The following ERLIN2 variants were observed in gnomAD, a reference collection of about 807,000 sequenced individuals.
ERLIN2 encodes ER lipid raft associated 2.
Under a neutral mutation model 41.5 loss-of-function variants are expected in ERLIN2, and 22 were observed. That is an observed-to-expected ratio of 0.53 (90% CI 0.38 to 0.76). The LOEUF (loss-of-function observed/expected upper bound fraction) is 0.76. ERLIN2 is among the 30% of genes least tolerant of loss of function. The pLI, the probability that ERLIN2 is intolerant of heterozygous loss-of-function variation, is 0.00. For synonymous variants in ERLIN2, 149 were observed against 150.9 expected (o/e 0.99, Z 0.09); for missense variants, 247 against 414.3 (o/e 0.60, Z 3.51).
At chr8:37,751,239 C>A (rs1001055946) in intron 9 of ERLIN2, among the ~76,000 whole-genome samples, 2 of 152,214 alleles carry the variant, frequency 1.3e-5, no homozygotes, top group Admixed American at 6.5e-5. Flanking sequence ...GGGGTTCAAA[C>A]CAAGGACACT....
At chr8:37,745,529 A>C (rs748295658) in intron 6 of ERLIN2, 2 of 1,606,134 alleles carry the variant, frequency 1.2e-6, no homozygotes, top group Non-Finnish European at 8.5e-7. Flanking sequence ...CCAAAAGTAA[A>C]TGAATTTTTA....
At chr8:37,743,670 AATT>A (rs1192316816) in intron 4 of ERLIN2, among the ~76,000 whole-genome samples, 8 of 152,166 alleles carry the variant, frequency 5.3e-5, no homozygotes, top group African/African-American at 1.9e-4. Flanking sequence ...GATATTACAG[AATT>A]ATTGCTAATT....
At chr8:37,737,444 C>A in intron 1 of ERLIN2, 1 of 205,646 alleles carries the variant, frequency 4.9e-6, no homozygotes, top group South Asian at 7.1e-5. Flanking sequence ...TAATGGTTTC[C>A]TTTGAAACTG....
rs1349334261 is a variant in ERLIN2 at position 37,741,088 on chromosome 8, TGTA to T, written c.189+646_189+648del. On this transcript the variant is annotated intron_variant, in intron 3 of 11. Transcript: ENST00000519638. The surrounding 1 kb of genome is among the most constrained non-coding windows in gnomAD (Gnocchi z 4.8). ...CAGGTACATTGTCTCATTTGAGTCT[TGTA>T]GTAATCCTGAGAATGGGCTGAGCAT... Among the ~76,000 whole-genome samples the T allele has an allele frequency of 6.6e-6, 1 of 152,228 alleles. No individual in the cohort carries two copies. The highest frequency in any genetic ancestry group is 1.5e-5 in the Non-Finnish European group (1 of 68,044).
intron 4 of ERLIN2, among the ~76,000 whole-genome samples, 196 bp from the exon 5 acceptor site, chr8:37,744,159 G>A (rs940412487): frequency 5.9e-5 from 9 of 152,198 alleles, no homozygotes; most frequent in Non-Finnish European, 1.0e-4. Flanking sequence ...CCTAGGCAGT[G>A]TGATTTCTCA....
At chr8:37,737,671 G>A in intron 1 of ERLIN2, 7 of 514,644 alleles carry the variant, frequency 1.4e-5, no homozygotes, top group Non-Finnish European at 2.1e-5. Context: ...AGCAACGGCT[G>A]TATCCGGAGC....
intron 10 of ERLIN2, 113 bp from the exon 11 acceptor site, chr8:37,753,337 A>G (rs1369236935): frequency 1.2e-6 from 1 of 819,028 alleles, no homozygotes; most frequent in Non-Finnish European, 2.1e-6. Flanking sequence ...CACAGAGGCA[A>G]TCAGGGGCGA....
At chr8:37,750,579 G>C (rs1803195619) in intron 9 of ERLIN2, 93 bp downstream of exon 9, 1 of 1,055,222 alleles carries the variant, frequency 9.5e-7, no homozygotes. Context: ...GAGACCCCAT[G>C]GTCCTCCAAA....
At chr8:37,744,267 A>G in intron 4 of ERLIN2, 88 bp from the exon 5 acceptor site, 1 of 1,147,030 alleles carries the variant, frequency 8.7e-7, no homozygotes, top group East Asian at 2.3e-5. Flanking sequence ...CTTTTCTGCC[A>G]AGCCCCACAT....
chr8:37,748,034 C>G (rs768502798), intron 6 of ERLIN2: 2 of 1,588,804 alleles, frequency 1.3e-6, no homozygotes, highest in African/African-American at 1.3e-5. Context: ...AAAAACTCTA[C>G]GCAAAGAAGA....
intron 6 of ERLIN2, chr8:37,747,926 G>A (rs770058424): frequency 6.2e-7 from 1 of 1,614,178 alleles, no homozygotes; most frequent in South Asian, 1.1e-5. Context: ...TACACATGGA[G>A]GGGCTTCTCG....
chr8:37,747,697 T>C lies in ERLIN2; in HGVS notation c.425-1862T>C, dbSNP rs193126107. 2,441 of 1,587,356 alleles carry C rather than the reference T, an allele frequency of 1.5e-3. 3 individuals carry two copies. The highest frequency in any genetic ancestry group is 1.9e-3 in the Non-Finnish European group (2,217 of 1,155,550). ...AACGGGAGCATTCTTCGGCTGGGAT[T>C]GGTAGAAGAGCAGCAGTCCACACTT... On this transcript the variant is annotated intron_variant, in intron 6 of 11. Coordinates refer to ENST00000519638, the MANE Select transcript of ERLIN2 (RefSeq NM_007175.8).
At chr8:37,751,335 C>A (rs4739542) in intron 9 of ERLIN2, among the ~76,000 whole-genome samples, 1 of 152,256 alleles carries the variant, frequency 6.6e-6, no homozygotes. Flanking sequence ...CCAGGTAGAA[C>A]CCTACTAGAG....
chr8:37,753,435 C>G lies in ERLIN2; in HGVS notation c.740-15C>G. 1 of 1,611,518 alleles carries G rather than the reference C, an allele frequency of 6.2e-7. No individual in the cohort carries two copies. Among genetic ancestry groups the G allele is most frequent in the Non-Finnish European group, 8.5e-7 (1 of 1,177,674 alleles). Reference sequence around the variant, plus strand: ...TTAGCACTTCACCAAGTTCACTGCACTCCTTCCCCCTCAGATGCTGCATTT... The same window carrying G: ...TTAGCACTTCACCAAGTTCACTGCAGTCCTTCCCCCTCAGATGCTGCATTT... On this transcript the variant is annotated splice_polypyrimidine_tract_variant and intron_variant, in intron 10 of 11. Transcript: ENST00000519638.
intron 6 of ERLIN2, chr8:37,746,027 A>C (rs1803035378): frequency 2.0e-6 from 2 of 1,008,770 alleles, no homozygotes; most frequent in African/African-American, 1.7e-5. Context: ...TTACTTTCTT[A>C]CAGCTAAACT....
At chr8:37,740,583 A>G in intron 3 of ERLIN2, 137 bp downstream of exon 3, 1 of 253,776 alleles carries the variant, frequency 3.9e-6, no homozygotes, top group Non-Finnish European at 7.5e-6. Flanking sequence ...TATACATATT[A>G]TATATATATA....
In ERLIN2 at chr8:37,755,892, G is replaced by A. The variant is rs1453251775; in HGVS notation, c.*1777G>A. 6.6e-6 allele frequency: 1 copy of A among 152,268 alleles called. No homozygotes were observed. Among genetic ancestry groups the A allele is most frequent in the Non-Finnish European group, 1.5e-5 (1 of 68,196 alleles). The allele number at this position is 152,268 out of a possible 1,614,324, so 9.4% of individuals were successfully genotyped here. On this transcript the variant is annotated 3_prime_UTR_variant, in exon 12 of 12. Coordinates refer to ENST00000519638, the MANE Select transcript of ERLIN2 (RefSeq NM_007175.8). ...AATGTGCTCCAGAGTCCTTTCAGAA[G>A]GTGGTCATTTCCCTTGGCCGGGCGC...
chr8:37,749,620 G>A lies in ERLIN2; in HGVS notation c.486G>A (p.Gly162=). Residue 162 remains glycine (G), a synonymous_variant, in exon 7 of 12, where the codon GGG becomes GGA. Transcript: ENST00000519638. ...AGGACCTGACCTCCATGGCCCCTGG[G>A]CTGGTCATTCAAGTAAGCATTGCTG... ...LQQDLTSMAP[G]LVIQAVRVTK... 1 of 1,613,398 alleles carries A rather than the reference G, an allele frequency of 6.2e-7. No individual in the cohort carries two copies. The highest frequency in any genetic ancestry group is 8.5e-7 in the Non-Finnish European group (1 of 1,179,320).
At position 37,758,060 on chromosome 8, in the gene ERLIN2, A is replaced by G. The variant is rs952315389; in HGVS notation, c.*3945A>G. On this transcript the variant is annotated 3_prime_UTR_variant, in exon 12 of 12. Coordinates refer to ENST00000519638, the MANE Select transcript of ERLIN2 (RefSeq NM_007175.8). ...ATGTACAATTTTTAGTCTAAGTACT[A>G]TGTGTCCTAAACACTGCATGAGACA... The G allele has an allele frequency of 3.5e-4, 54 of 152,250 alleles. No individual in the cohort carries two copies. The highest frequency in any genetic ancestry group is 1.2e-3 in the African/African-American group (51 of 41,470). 9.4% of individuals were successfully genotyped at this position (152,250 alleles called of 1,614,324 possible).
Sources: allele counts gnomAD v4.1 joint callset (sites outside exome capture counted in the v4.1 genomes callset), GRCh38; gene constraint gnomAD v4.1.1; non-coding constraint Gnocchi (gnomAD v3.1); transcripts MANE v1.5; gene names NCBI Gene and HGNC (gene_info 2026-07-23, HGNC 2026-07-21).